The following DPP8 variants were observed in gnomAD, a reference collection of about 807,000 sequenced individuals.
DPP8 encodes the protein dipeptidyl peptidase 8.
A neutral mutation model predicts 107.5 loss-of-function variants in DPP8; 31 were observed. That is an observed-to-expected ratio of 0.29 (90% CI 0.22 to 0.39). The LOEUF is 0.39. Among genes scored for constraint, DPP8 ranks in the 10% least tolerant of loss-of-function variants. The pLI is 1.00. For synonymous variants in DPP8, 381 were observed against 356.6 expected, an observed-to-expected ratio of 1.07 and a Z score of -0.77; for missense variants, 842 against 1,076.1, an observed-to-expected ratio of 0.78 and a Z score of 3.04.
chr15:65,449,698 C>A lies in DPP8; in HGVS notation c.2526+1301G>T, dbSNP rs564710408. On this transcript the variant is annotated intron_variant, in intron 19 of 19. Coordinates refer to ENST00000300141, the MANE Select transcript of DPP8 (RefSeq NM_130434.5). ...GTGTTGGGATTACAGGCGTGAGCCA[C>A]TGCGACCGGCCCCATTTCATAACTA... 2.6e-5 allele frequency among the ~76,000 whole-genome samples: 4 copies of A among 152,258 alleles called. No individual in the cohort carries two copies. The South Asian group carries it at 8.3e-4, about 32-fold the overall frequency.
intron 15 of DPP8, among the ~76,000 whole-genome samples, chr15:65,457,923 G>C (rs2064572090): frequency 6.6e-6 from 1 of 151,992 alleles, no homozygotes; most frequent in South Asian, 2.1e-4. Flanking sequence ...CCTCTGAATA[G>C]CTGGGATTAC....
chr15:65,495,637 G>A (rs1003720781), intron 5 of DPP8, among the ~76,000 whole-genome samples: 2 of 147,180 alleles, frequency 1.4e-5, no homozygotes, highest in Non-Finnish European at 3.0e-5. Flanking sequence ...ACGGTGGCTC[G>A]TGCCTGTAAT....
Position 65,444,937 on chromosome 15 carries a change from A to G in DPP8, c.*1947T>C, listed in dbSNP as rs1028089257. ...CCCTCCACAGTCAGATATATACTTA[A>G]GGGGGAAAATACTTTCTTGGGGAAG... On this transcript the variant is annotated 3_prime_UTR_variant, in exon 20 of 20. Coordinates refer to ENST00000300141, the MANE Select transcript of DPP8 (RefSeq NM_130434.5). The G allele has an allele frequency of 6.6e-6, 1 of 152,234 alleles. No individual in the cohort carries two copies. The highest frequency in any genetic ancestry group is 2.4e-5 in the African/African-American group (1 of 41,466). The allele number at this position is 152,234 out of a possible 1,614,324, so 9.4% of individuals were successfully genotyped here.
intron 3 of DPP8, among the ~76,000 whole-genome samples, chr15:65,506,160 G>A (rs2069958333): frequency 1.3e-5 from 2 of 151,076 alleles, no homozygotes; most frequent in African/African-American, 4.9e-5. Context: ...TGAAACTGTG[G>A]CTCTACTAAA....
Position 65,448,902 on chromosome 15 carries a change from A to G in DPP8, c.2527-1896T>C, listed in dbSNP as rs1288517674. ...TATATATATATATATATATATATAT[A>G]TATATATATATATATATATATTTAG... is the stretch of plus-strand genomic sequence containing the variant. On this transcript the variant is annotated intron_variant, in intron 19 of 19. Transcript: ENST00000300141. 1.7e-3 allele frequency among the ~76,000 whole-genome samples: 140 copies of G among 82,960 alleles called. 6 individuals are homozygous for G. The highest frequency in any genetic ancestry group is 5.7e-3 in the African/African-American group (121 of 21,322). 54.4% of individuals were successfully genotyped at this position (82,960 alleles called of 152,430 possible). A position where few individuals can be genotyped will look rare whatever the true frequency, so the allele number is the denominator to read the frequency against.
chr15:65,473,222 G>C (rs2066065680), intron 12 of DPP8, among the ~76,000 whole-genome samples: 1 of 151,752 alleles, frequency 6.6e-6, no homozygotes, highest in Non-Finnish European at 1.5e-5. Context: ...CTACTCGGGA[G>C]GCTGAAGCAG....
chr15:65,510,950 G>GT (rs1441474443), intron 2 of DPP8, among the ~76,000 whole-genome samples: 1 of 152,168 alleles, frequency 6.6e-6, no homozygotes, highest in East Asian at 1.9e-4. Context: ...AGATCAAAAA[G>GT]TTTAATTACT....
chr15:65,466,573 G>A, intron 14 of DPP8, 105 bp downstream of exon 14: 2 of 1,025,940 alleles, frequency 1.9e-6, no homozygotes, highest in Non-Finnish European at 3.0e-6. Flanking sequence ...AGGCAGTGGT[G>A]AGAGATGGAA....
At chr15:65,496,632 G>A (rs1168419969) in intron 5 of DPP8, among the ~76,000 whole-genome samples, 10 of 152,156 alleles carry the variant, frequency 6.6e-5, no homozygotes, top group East Asian at 3.9e-4. Context: ...CAATAACTAA[G>A]TAGGCTCTCC....
chr15:65,487,634 G>C, intron 7 of DPP8, 56 bp downstream of exon 7: 1 of 1,548,954 alleles, frequency 6.5e-7, no homozygotes. Context: ...ACTACAGAAA[G>C]AATCTTATTT....
intron 1 of DPP8, 62 bp downstream of exon 1, chr15:65,517,424 C>T (rs549555284): frequency 6.5e-6 from 1 of 152,780 alleles, no homozygotes; most frequent in Admixed American, 6.5e-5. Context: ...CGGAAAGGGC[C>T]TGGTGAGCCG....
intron 16 of DPP8, chr15:65,455,975 C>T: frequency 6.9e-6 from 6 of 863,902 alleles, no homozygotes; most frequent in Non-Finnish European, 1.0e-5. Context: ...CTAAATTCTA[C>T]CCAAGTGGAC....
intron 2 of DPP8, 79 bp from the exon 3 acceptor site, chr15:65,507,434 C>G: frequency 1.2e-6 from 1 of 826,722 alleles, no homozygotes; most frequent in Non-Finnish European, 2.0e-6. Flanking sequence ...GTACATAATG[C>G]CTTCTATACA....
chr15:65,492,459 A>T (rs975659357), intron 5 of DPP8, among the ~76,000 whole-genome samples: 3 of 152,216 alleles, frequency 2.0e-5, no homozygotes, highest in Non-Finnish European at 4.4e-5. Context: ...AGAAAGTGCC[A>T]AACAGTTATC....
At chr15:65,467,692 G>T (rs1314042201) in intron 12 of DPP8, among the ~76,000 whole-genome samples, 1 of 152,114 alleles carries the variant, frequency 6.6e-6, no homozygotes, top group African/African-American at 2.4e-5. Flanking sequence ...ATGACTTATA[G>T]CTAAGAACAG....
Position 65,498,015 on chromosome 15 carries a change from G to T in DPP8, c.564C>A (p.Pro188=). Residue 188 remains proline (P), a synonymous_variant, in exon 5 of 20, where the codon CCC becomes CCA. Transcript: ENST00000300141. ...TGGGACAACTAGTTTCCACTAGATT[G>T]GGCCTTAAAGGTTGTTGCTAGAAAA... The part of the protein sequence containing the change: ...PQGFTQQPLR[P]NLVETSCPNI... The T allele has an allele frequency of 6.3e-7, 1 of 1,596,096 alleles. No individual in the cohort carries two copies. The highest frequency in any genetic ancestry group is 1.1e-5 in the South Asian group (1 of 87,376).
chr15:65,476,655 T>C (rs1402614824), intron 11 of DPP8, among the ~76,000 whole-genome samples: 1 of 152,056 alleles, frequency 6.6e-6, no homozygotes, highest in Non-Finnish European at 1.5e-5. Context: ...AAACTGAAAA[T>C]AGAATTACCA....
chr15:65,483,903 G>A (rs941513516), intron 8 of DPP8, among the ~76,000 whole-genome samples: 13 of 152,134 alleles, frequency 8.5e-5, no homozygotes, highest in African/African-American at 2.9e-4. Flanking sequence ...AATAAATGAA[G>A]TATTGACACA....
rs2063443373 is a variant in DPP8, at chr15:65,445,029, T to TCATCATGAACAAC, written c.*1854_*1855insGTTGTTCATGATG. The TCATCATGAACAAC allele has an allele frequency of 6.6e-6, 1 of 152,106 alleles. No homozygotes were observed. The highest frequency in any genetic ancestry group is 2.1e-4 in the South Asian group (1 of 4,820). 9.4% of individuals were successfully genotyped at this position (152,106 alleles called of 1,614,324 possible). On this transcript the variant is annotated 3_prime_UTR_variant, in exon 20 of 20. Coordinates refer to ENST00000300141, the MANE Select transcript of DPP8 (RefSeq NM_130434.5). The stretch of plus-strand genomic sequence containing the variant: ...ATAAACAAATCTTGGCATGGGAAAA[T>TCATCATGAACAAC]ATCAAACATGAAAAGCAATACATAT...
Sources: allele counts gnomAD v4.1 joint callset (sites outside exome capture counted in the v4.1 genomes callset), GRCh38; gene constraint gnomAD v4.1.1; transcripts MANE v1.5; gene names NCBI Gene and HGNC (gene_info 2026-07-23, HGNC 2026-07-21).